The following GNB1 variants were observed in gnomAD, a reference collection of about 807,000 sequenced individuals.
The protein encoded by GNB1 is G protein subunit beta 1.
A neutral mutation model predicts 42.9 loss-of-function variants in GNB1; 2 were observed. That is an observed-to-expected ratio of 0.05 (90% CI 0.02 to 0.15). GNB1 has a LOEUF of 0.15. Ranked by LOEUF, GNB1 falls within the 10% of genes least tolerant of loss-of-function variation. GNB1 has a pLI of 1.00. For missense variants in GNB1, 193 were observed against 462.2 expected, an observed-to-expected ratio of 0.42 and a Z score of 5.34; for synonymous variants, 183 against 174.7, an observed-to-expected ratio of 1.05 and a Z score of -0.38.
At chr1:1,815,697 A>C in intron 5 of GNB1, 59 bp downstream of exon 5, 1 of 909,936 alleles carries the variant, frequency 1.1e-6, no homozygotes, top group Admixed American at 1.9e-5. Context: ...CTTTTCCCCT[A>C]GGACAACAGA....
chr1:1,866,081 G>GGCAT (rs1468248660), intron 1 of GNB1, among the ~76,000 whole-genome samples: 2 of 152,072 alleles, frequency 1.3e-5, no homozygotes, highest in African/African-American at 4.8e-5. Flanking sequence ...TGGGATTACA[G>GGCAT]GCATGCACCA....
intron 1 of GNB1, among the ~76,000 whole-genome samples, chr1:1,876,512 A>AGAGAGC (rs958427005): frequency 3.3e-5 from 5 of 151,904 alleles, no homozygotes; most frequent in African/African-American, 7.2e-5. Flanking sequence ...AGAGAGAGAG[A>AGAGAGC]GAGCGAGCGT....
At chr1:1,852,095 A>G (rs1648017096) in intron 1 of GNB1, among the ~76,000 whole-genome samples, 1 of 151,988 alleles carries the variant, frequency 6.6e-6, no homozygotes, top group African/African-American at 2.4e-5. Context: ...AAAAATCAAC[A>G]TATTGTGGTT....
intron 1 of GNB1, among the ~76,000 whole-genome samples, chr1:1,875,809 T>G (rs1293522624): frequency 6.8e-6 from 1 of 147,364 alleles, no homozygotes; most frequent in African/African-American, 2.5e-5. Flanking sequence ...AGGATGAAGC[T>G]CTAGGAACTT....
chr1:1,835,921 A>AG (rs1647141278), intron 2 of GNB1, among the ~76,000 whole-genome samples: 2 of 117,832 alleles, frequency 1.7e-5, no homozygotes, highest in South Asian at 3.8e-4. Context: ...AATTAAAAAA[A>AG]GAAAAAAAAA....
intron 1 of GNB1, among the ~76,000 whole-genome samples, chr1:1,857,943 C>T (rs1319925964): frequency 6.6e-6 from 1 of 152,132 alleles, no homozygotes; most frequent in Non-Finnish European, 1.5e-5. Flanking sequence ...TCGTACTGTA[C>T]CGTGATATTT....
In GNB1 at chr1:1,785,769, C is replaced by T; in HGVS notation, c.*1294G>A. On this transcript the variant is annotated 3_prime_UTR_variant, in exon 12 of 12. Transcript: ENST00000378609. ...TCCCTCCCTCTCTCTCCCTCCCCACCCTCAGAATCCAACAGCAGTCGTTTG... is the reference window on the plus strand; with the variant it reads ...TCCCTCCCTCTCTCTCCCTCCCCACTCTCAGAATCCAACAGCAGTCGTTTG... The T allele has an allele frequency of 2.7e-6, 1 of 370,880 alleles. No individual in the cohort carries two copies. The highest frequency in any genetic ancestry group is 3.8e-5 in the East Asian group (1 of 26,204). The allele number at this position is 370,880 out of a possible 1,614,324, so 23.0% of individuals were successfully genotyped here. A position where few individuals can be genotyped will look rare whatever the true frequency, so the allele number is the denominator to read the frequency against.
chr1:1,861,230 G>T lies in GNB1; in HGVS notation c.-95-21992C>A, dbSNP rs77808738. On this transcript the variant is annotated intron_variant, in intron 1 of 11. Coordinates refer to ENST00000378609, the MANE Select transcript of GNB1 (RefSeq NM_002074.5). ...CCAATATTGTGGGAGGCTAAGGCAG[G>T]GAGACTGTTAGAAGCCAGGACTTGG... is the stretch of plus-strand genomic sequence containing the variant. Among the ~76,000 whole-genome samples, 1,247 of 152,208 alleles carry T rather than the reference G, an allele frequency of 8.2e-3. 21 individuals are homozygous for T. The highest frequency in any genetic ancestry group is 0.029 in the African/African-American group (1,211 of 41,532).
chr1:1,785,770 C>T lies in GNB1; in HGVS notation c.*1293G>A. The T allele has an allele frequency of 2.7e-6, 1 of 371,620 alleles. No individual in the cohort carries two copies. The highest frequency in any genetic ancestry group is 4.8e-6 in the Non-Finnish European group (1 of 210,002). The allele number at this position is 371,620 out of a possible 1,614,324, so 23.0% of individuals were successfully genotyped here. On this transcript the variant is annotated 3_prime_UTR_variant, in exon 12 of 12. Transcript: ENST00000378609. Reference sequence around the variant, plus strand: ...CCCTCCCTCTCTCTCCCTCCCCACCCTCAGAATCCAACAGCAGTCGTTTGC... The same window carrying T: ...CCCTCCCTCTCTCTCCCTCCCCACCTTCAGAATCCAACAGCAGTCGTTTGC...
chr1:1,840,382 G>A (rs1003409435), intron 1 of GNB1, among the ~76,000 whole-genome samples: 14 of 152,070 alleles, frequency 9.2e-5, no homozygotes, highest in African/African-American at 3.1e-4. Context: ...CAAAAAATTC[G>A]CCGAGCGTAG....
intron 1 of GNB1, among the ~76,000 whole-genome samples, chr1:1,854,461 ACT>A (rs1267725013): frequency 6.6e-6 from 1 of 152,162 alleles, no homozygotes; most frequent in South Asian, 2.1e-4. Context: ...CTTAAATTAA[ACT>A]CTGACAGTAC....
chr1:1,807,972 G>A (rs1218561676), intron 5 of GNB1, among the ~76,000 whole-genome samples: 3 of 151,964 alleles, frequency 2.0e-5, no homozygotes, highest in Admixed American at 6.6e-5. Context: ...GCCTCCCAAA[G>A]TGCTGGGATT....
intron 3 of GNB1, among the ~76,000 whole-genome samples, chr1:1,818,629 G>A (rs537268386): frequency 1.2e-3 from 187 of 152,252 alleles, no homozygotes; most frequent in African/African-American, 3.9e-3. Flanking sequence ...TTGGGAGGCC[G>A]AGGTGGGTGG....
intron 1 of GNB1, among the ~76,000 whole-genome samples, chr1:1,872,922 G>A (rs1649328573): frequency 6.6e-6 from 1 of 152,144 alleles, no homozygotes; most frequent in Admixed American, 6.5e-5. Flanking sequence ...TATTAACTGG[G>A]CATCCTAAAG....
intron 1 of GNB1, among the ~76,000 whole-genome samples, chr1:1,847,992 T>C (rs1431798155): frequency 1.3e-5 from 2 of 152,204 alleles, no homozygotes; most frequent in South Asian, 4.2e-4. Context: ...AAGACTGCAC[T>C]TGACTTCTTT....
At chr1:1,819,522 C>CT (rs1052775089) in intron 3 of GNB1, among the ~76,000 whole-genome samples, 106 of 145,322 alleles carry the variant, frequency 7.3e-4, no homozygotes, top group African/African-American at 1.8e-3. Context: ...CGCCTGGCCT[C>CT]TTTTTTTTTT....
At chr1:1,830,174 G>A (rs1037345258) in intron 2 of GNB1, among the ~76,000 whole-genome samples, 12 of 151,994 alleles carry the variant, frequency 7.9e-5, no homozygotes, top group East Asian at 1.9e-4. Context: ...ACCAACACAC[G>A]CATACAAAGT....
chr1:1,789,044 G>A lies in GNB1; in HGVS notation c.916+9C>T. The A allele has an allele frequency of 3.7e-6, 6 of 1,603,116 alleles. No homozygotes were observed. Among genetic ancestry groups the A allele is most frequent in the African/African-American group, 1.3e-5 (1 of 74,830 alleles). On this transcript the variant is annotated intron_variant, in intron 10 of 11. Coordinates refer to ENST00000378609, the MANE Select transcript of GNB1 (RefSeq NM_002074.5). Reference sequence around the variant, plus strand: ...CCACAAGACACAGAAAGGCCCCATGGCCACGTACCTGCCCGGTCGGCTTTG... The same window carrying A: ...CCACAAGACACAGAAAGGCCCCATGACCACGTACCTGCCCGGTCGGCTTTG...
At chr1:1,832,763 T>C (rs193009943) in intron 2 of GNB1, among the ~76,000 whole-genome samples, 25 of 152,128 alleles carry the variant, frequency 1.6e-4, no homozygotes, top group Non-Finnish European at 1.0e-4. Flanking sequence ...GGCTGCAAGT[T>C]TGCCAATGAC....
Sources: allele counts gnomAD v4.1 joint callset (sites outside exome capture counted in the v4.1 genomes callset), GRCh38; gene constraint gnomAD v4.1.1; transcripts MANE v1.5; gene names NCBI Gene and HGNC (gene_info 2026-07-23, HGNC 2026-07-21).